The following FBLIM1 variants were observed in gnomAD, a reference collection of about 807,000 sequenced individuals.
The protein encoded by FBLIM1 is filamin-binding LIM protein 1.
A neutral mutation model predicts 37.4 loss-of-function variants in FBLIM1; 29 were observed. That is an observed-to-expected ratio of 0.77 (90% confidence interval 0.58 to 1.06). The LOEUF is 1.06. Ranked by LOEUF, FBLIM1 falls within the 50% of genes least tolerant of loss-of-function variation. FBLIM1 has a pLI of 0.00. For missense variants in FBLIM1, 449 were observed against 505.6 expected (o/e 0.89, Z 1.07); for synonymous variants, 193 against 199.0 (o/e 0.97, Z 0.25).
intron 5 of FBLIM1, among the ~76,000 whole-genome samples, chr1:15,769,490 A>C (rs2069097502): frequency 6.7e-6 from 1 of 150,234 alleles, no homozygotes; most frequent in Admixed American, 6.6e-5. Flanking sequence ...AAAATAAAAA[A>C]ATAAAATAAA....
At chr1:15,764,812 C>T in intron 2 of FBLIM1, 127 bp downstream of exon 2, 3 of 953,552 alleles carry the variant, frequency 3.1e-6, no homozygotes, top group Non-Finnish European at 4.7e-6. Flanking sequence ...CACCCCCACC[C>T]CTTCTCTGGC....
chr1:15,778,603 C>T (rs573021351), intron 8 of FBLIM1, among the ~76,000 whole-genome samples: 1 of 150,668 alleles, frequency 6.6e-6, no homozygotes, highest in African/African-American at 2.4e-5. Flanking sequence ...CACGGTAACA[C>T]GAGCAAGCCT....
intron 1 of FBLIM1, among the ~76,000 whole-genome samples, chr1:15,762,260 G>GTTTT (rs57122494): frequency 2.1e-4 from 23 of 108,644 alleles, no homozygotes; most frequent in Admixed American, 4.0e-4. Context: ...TGGCTAATTT[G>GTTTT]TTTTTTTTTT....
At chr1:15,772,699 A>G (rs1317627519) in intron 6 of FBLIM1, among the ~76,000 whole-genome samples, 3 of 152,254 alleles carry the variant, frequency 2.0e-5, no homozygotes, top group East Asian at 3.9e-4. Context: ...CACACCTGCA[A>G]TCTCAGCACT....
At chr1:15,780,994 A>AC (rs920596398) in intron 8 of FBLIM1, among the ~76,000 whole-genome samples, 35 of 150,544 alleles carry the variant, frequency 2.3e-4, no homozygotes, top group African/African-American at 7.3e-4. Flanking sequence ...AAGCGAATAA[A>AC]CCCCCCCGGT....
intron 1 of FBLIM1, among the ~76,000 whole-genome samples, chr1:15,761,212 C>CCAA (rs2068660063): frequency 2.0e-5 from 3 of 152,304 alleles, no homozygotes; most frequent in African/African-American, 7.2e-5. Context: ...GATTTCTGGT[C>CCAA]TGGATTGGGC....
At position 15,786,287 on chromosome 1, in the gene FBLIM1, A is replaced by T. The variant is rs1219149013; in HGVS notation, c.*1626A>T. 2 of 152,166 alleles carry T rather than the reference A, an allele frequency of 1.3e-5. No homozygotes were observed. The highest frequency in any genetic ancestry group is 2.9e-5 in the Non-Finnish European group (2 of 68,056). 9.4% of individuals were successfully genotyped at this position (152,166 alleles called of 1,614,324 possible). On this transcript the variant is annotated 3_prime_UTR_variant, in exon 9 of 9. Coordinates refer to ENST00000375766, the MANE Select transcript of FBLIM1 (RefSeq NM_017556.4). ...TCTCACACGCTCCCACGAGAATGCC[A>T]CAGGGGCCGTGCACTGGGCAGGCTT...
intron 4 of FBLIM1, among the ~76,000 whole-genome samples, chr1:15,768,024 C>T (rs534149881): frequency 6.6e-6 from 1 of 152,262 alleles, no homozygotes; most frequent in East Asian, 1.9e-4. Context: ...TCTGGGATTA[C>T]AGGCACCCAC....
At position 15,776,990 on chromosome 1, in the gene FBLIM1, T is replaced by C. The variant is rs1186602126; in HGVS notation, c.891-180T>C. 8 of 562,050 alleles carry C rather than the reference T, an allele frequency of 1.4e-5. No individual in the cohort carries two copies. The East Asian group carries it at 2.3e-4, about 16-fold the overall frequency. The allele number at this position is 562,050 out of a possible 1,614,324, so 34.8% of individuals were successfully genotyped here. On this transcript the variant is annotated intron_variant, in intron 7 of 8. Transcript: ENST00000375766. ...TCCAGTGACGCTGGGAAACCAGGTC[T>C]CATTACACAGGTCTCTCCACCTGCT...
At chr1:15,782,802 T>C (rs936470042) in intron 8 of FBLIM1, among the ~76,000 whole-genome samples, 8 of 128,440 alleles carry the variant, frequency 6.2e-5, no homozygotes, top group Non-Finnish European at 1.1e-4. Context: ...GTAGTCCCTA[T>C]AGGGACTCTT....
At chr1:15,782,935 A>G (rs2069680053) in intron 8 of FBLIM1, among the ~76,000 whole-genome samples, 2 of 150,932 alleles carry the variant, frequency 1.3e-5, no homozygotes, top group South Asian at 4.2e-4. Context: ...AGCTGGGATT[A>G]CAGGCACCCA....
intron 1 of FBLIM1, among the ~76,000 whole-genome samples, chr1:15,761,562 A>G (rs1489030825): frequency 6.6e-6 from 1 of 152,216 alleles, no homozygotes; most frequent in Non-Finnish European, 1.5e-5. Context: ...ACAAAAATAG[A>G]TTCTTAAACT....
intron 8 of FBLIM1, 72 bp downstream of exon 8, chr1:15,777,359 A>G (rs570393390): frequency 1.6e-4 from 175 of 1,128,884 alleles, no homozygotes; most frequent in Admixed American, 6.5e-4. Flanking sequence ...TTGCTTGGAC[A>G]TGGGGACAGG....
intron 6 of FBLIM1, among the ~76,000 whole-genome samples, chr1:15,774,075 G>C (rs866685588): frequency 6.6e-6 from 1 of 152,164 alleles, no homozygotes; most frequent in Non-Finnish European, 1.5e-5. Flanking sequence ...AGAGGATGCA[G>C]TGAGCTGAGA....
At chr1:15,781,585 G>A (rs1427672466) in intron 8 of FBLIM1, among the ~76,000 whole-genome samples, 2 of 150,962 alleles carry the variant, frequency 1.3e-5, no homozygotes, top group African/African-American at 2.4e-5. Context: ...GTTGAGTGCT[G>A]TTAACTAAGA....
At chr1:15,767,707 G>A (rs2068996160) in intron 4 of FBLIM1, 144 bp downstream of exon 4, 4 of 483,292 alleles carry the variant, frequency 8.3e-6, no homozygotes, top group Admixed American at 4.2e-5. Context: ...CCTCTTTGAA[G>A]CTCTCAGAAG....
intron 6 of FBLIM1, among the ~76,000 whole-genome samples, chr1:15,772,904 C>A (rs2069288783): frequency 6.6e-6 from 1 of 152,074 alleles, no homozygotes; most frequent in South Asian, 2.1e-4. Context: ...CCCGCCTCAG[C>A]CTCTCAAGTA....
intron 8 of FBLIM1, among the ~76,000 whole-genome samples, chr1:15,780,602 C>T (rs2069611277): frequency 6.6e-6 from 1 of 152,192 alleles, no homozygotes; most frequent in African/African-American, 2.4e-5. Flanking sequence ...TCTCCCACCC[C>T]TTCTACAGCT....
intron 7 of FBLIM1, among the ~76,000 whole-genome samples, chr1:15,776,849 C>CA (rs1394662739): frequency 1.3e-4 from 4 of 30,596 alleles, no homozygotes; most frequent in East Asian, 8.9e-4. Flanking sequence ...GTGACAAGAG[C>CA]AAAAAAAACT....
Sources: allele counts gnomAD v4.1 joint callset (sites outside exome capture counted in the v4.1 genomes callset), GRCh38; gene constraint gnomAD v4.1.1; transcripts MANE v1.5; gene names NCBI Gene and HGNC (gene_info 2026-07-23, HGNC 2026-07-21).